The following CYFIP2 variants were observed in gnomAD, a reference collection of about 807,000 sequenced individuals.
CYFIP2 encodes cytoplasmic FMR1 interacting protein 2.
CYFIP2 carries 29 observed loss-of-function variants against 158.7 expected under a neutral mutation model. The observed-to-expected ratio is 0.18, with a 90% CI of 0.14 to 0.25. The LOEUF is 0.25. CYFIP2 is among the 10% of genes least tolerant of loss of function. The pLI, the probability that CYFIP2 is intolerant of heterozygous loss-of-function variation, is 1.00. For synonymous variants in CYFIP2, 585 were observed against 617.6 expected (o/e 0.95, Z 0.78); for missense variants, 852 against 1,639.5 (o/e 0.52, Z 8.29).
chr5:157,329,741 C>T lies in CYFIP2; in HGVS notation c.2157-1001C>T, dbSNP rs545280989. ...TTCTAAGTCCTCAAAATCCTGTTTA[C>T]AGCCCATCTCAATTTGGACCAGCCA... On this transcript the variant is annotated intron_variant, in intron 19 of 30. Transcript: ENST00000620254. Among the ~76,000 whole-genome samples the T allele has an allele frequency of 3.7e-4, 57 of 152,324 alleles. 1 individual carries two copies. In the South Asian group the frequency reaches 0.011, roughly 29 times the overall value.
chr5:157,325,543 A>C lies in CYFIP2; in HGVS notation c.1887A>C (p.Leu629Phe). ...GGTTCCGAGAATTCTTCCTGGAGTT[A>C]ACCATGGGCCGACGAATCCAGTTCC... ...QLWFREFFLE[L>F]TMGRRIQFPI... The change falls in exon 17 of 31, where the codon TTA (leucine) becomes TTC (phenylalanine). Residue 629 changes from leucine to phenylalanine, a missense_variant. By Grantham distance (22) the Leu-to-Phe change is conservative. Coordinates refer to ENST00000620254, the MANE Select transcript of CYFIP2 (RefSeq NM_001037333.3). The C allele has an allele frequency of 6.2e-7, 1 of 1,613,394 alleles. No individual in the cohort carries two copies. Among genetic ancestry groups the C allele is most frequent in the Non-Finnish European group, 8.5e-7 (1 of 1,179,634 alleles).
intron 26 of CYFIP2, chr5:157,365,052 C>T (rs1026419142): frequency 4.6e-5 from 7 of 151,910 alleles, no homozygotes; most frequent in African/African-American, 1.7e-4. Context: ...CCACAAATAA[C>T]TCTGCATTGA....
chr5:157,352,952 A>C (rs1763168486), intron 23 of CYFIP2, among the ~76,000 whole-genome samples: 1 of 152,212 alleles, frequency 6.6e-6, no homozygotes, highest in South Asian at 2.1e-4. Context: ...GTGCAGCTGC[A>C]AGCCCGGGAT....
chr5:157,309,297 T>G (rs1759505816), intron 9 of CYFIP2, among the ~76,000 whole-genome samples: 1 of 152,202 alleles, frequency 6.6e-6, no homozygotes, highest in African/African-American at 2.4e-5. Flanking sequence ...TGTTAGGTAT[T>G]ATTACGGTTT....
At chr5:157,354,234 G>T (rs1194190730) in intron 23 of CYFIP2, among the ~76,000 whole-genome samples, 1 of 152,038 alleles carries the variant, frequency 6.6e-6, no homozygotes, top group African/African-American at 2.4e-5. Context: ...TATCTATTTT[G>T]TGTAGTGTGG....
In CYFIP2 at chr5:157,339,287, G is replaced by A. The variant is rs1453272207; in HGVS notation, c.2585+31G>A. ...GGAGTCCCTGTGCAGAGGGGGCCGG[G>A]TGGGGGTTGGGGGAGTGGCCAGCTG... On this transcript the variant is annotated intron_variant, in intron 22 of 30. Transcript: ENST00000620254. 6 of 1,593,104 alleles carry A rather than the reference G, an allele frequency of 3.8e-6. No homozygotes were observed. In the South Asian group the frequency reaches 5.6e-5, roughly 15 times the overall value.
At chr5:157,348,853 G>A (rs149956777) in intron 23 of CYFIP2, among the ~76,000 whole-genome samples, 8 of 152,046 alleles carry the variant, frequency 5.3e-5, no homozygotes, top group Non-Finnish European at 1.0e-4. Context: ...AGAGCTAGTG[G>A]TGAGTCCCCA....
intron 28 of CYFIP2, among the ~76,000 whole-genome samples, chr5:157,387,006 A>G (rs1022974864): frequency 2.6e-5 from 4 of 152,126 alleles, no homozygotes; most frequent in African/African-American, 9.7e-5. Context: ...AAGATAACCA[A>G]GTATATACGA....
chr5:157,390,340 A>G (rs1767157255), intron 29 of CYFIP2, among the ~76,000 whole-genome samples, 181 bp from the exon 30 acceptor site: 1 of 151,816 alleles, frequency 6.6e-6, no homozygotes, highest in African/African-American at 2.4e-5. Flanking sequence ...CATAACTACC[A>G]TCCCTGCAAC....
chr5:157,270,627 A>G (rs1756012671), intron 1 of CYFIP2, among the ~76,000 whole-genome samples: 1 of 152,212 alleles, frequency 6.6e-6, no homozygotes, highest in South Asian at 2.1e-4. Flanking sequence ...TCAGCCCCCT[A>G]TCTCCAAGTC....
intron 1 of CYFIP2, among the ~76,000 whole-genome samples, chr5:157,268,049 C>T (rs1755760465): frequency 6.6e-6 from 1 of 152,260 alleles, no homozygotes; most frequent in African/African-American, 2.4e-5. Context: ...CTTGTGTACA[C>T]AGGGTTCCTC....
In CYFIP2 at chr5:157,285,481, A is replaced by G; in HGVS notation, c.117+3A>G. On this transcript the variant is annotated splice_donor_region_variant and intron_variant, in intron 2 of 30. Coordinates refer to ENST00000620254, the MANE Select transcript of CYFIP2 (RefSeq NM_001037333.3). ...CACCTTCCTCCATCATGTACCAGGT[A>G]ATGGAAATGGTAGATAGCACCAGGG... is the stretch of plus-strand genomic sequence containing the variant. The G allele has an allele frequency of 6.4e-7, 1 of 1,561,642 alleles. No individual in the cohort carries two copies. Among genetic ancestry groups the G allele is most frequent in the Non-Finnish European group, 8.7e-7 (1 of 1,152,358 alleles).
chr5:157,353,916 G>A (rs1160088813), intron 23 of CYFIP2, among the ~76,000 whole-genome samples: 1 of 152,140 alleles, frequency 6.6e-6, no homozygotes, highest in African/African-American at 2.4e-5. Context: ...GTTTGAAGTG[G>A]CTGGCCGTGT....
At position 157,320,039 on chromosome 5, in the gene CYFIP2, T is replaced by C. The variant is rs1041007023; in HGVS notation, c.1523+111T>C. On this transcript the variant is annotated intron_variant, in intron 14 of 30. Transcript: ENST00000620254. ...ACACACATGGGTCCTTCCAGCAAGC[T>C]CCAGAGGGCTCTTTAGGAGATTGGG... is the stretch of plus-strand genomic sequence containing the variant. 14 of 1,337,912 alleles carry C rather than the reference T, an allele frequency of 1.0e-5. No homozygotes were observed. The African/African-American group carries it at 1.9e-4, about 18-fold the overall frequency. The allele number at this position is 1,337,912 out of a possible 1,614,324, so 82.9% of individuals were successfully genotyped here.
chr5:157,316,441 ATATT>A (rs57138519), intron 13 of CYFIP2, among the ~76,000 whole-genome samples: 1,612 of 152,356 alleles, frequency 0.011, 34 homozygotes, highest in African/African-American at 0.036. Flanking sequence ...AAGGACATAA[ATATT>A]TATGATGTAT....
At chr5:157,372,105 A>C (rs1163424740) in intron 26 of CYFIP2, among the ~76,000 whole-genome samples, 1 of 152,182 alleles carries the variant, frequency 6.6e-6, no homozygotes, top group East Asian at 1.9e-4. Flanking sequence ...TATTATTCAC[A>C]CTTTGGAAAA....
intron 5 of CYFIP2, among the ~76,000 whole-genome samples, chr5:157,299,214 A>T (rs1002349398): frequency 2.0e-5 from 3 of 152,156 alleles, no homozygotes; most frequent in African/African-American, 7.2e-5. Context: ...AGGCCATGTT[A>T]TCTGGCCTCA....
chr5:157,292,524 A>AC (rs1488910761), intron 3 of CYFIP2, among the ~76,000 whole-genome samples: 11 of 152,126 alleles, frequency 7.2e-5, no homozygotes, highest in Admixed American at 5.9e-4. Context: ...TGGCCAGCAT[A>AC]ATGTTTTCAA....
chr5:157,312,688 G>C (rs767509024), intron 11 of CYFIP2, among the ~76,000 whole-genome samples: 13 of 152,170 alleles, frequency 8.5e-5, no homozygotes, highest in Non-Finnish European at 2.9e-5. Context: ...TACCTGAAAT[G>C]GGGACTGTCT....
Sources: allele counts gnomAD v4.1 joint callset (sites outside exome capture counted in the v4.1 genomes callset), GRCh38; gene constraint gnomAD v4.1.1; transcripts MANE v1.5; gene names NCBI Gene and HGNC (gene_info 2026-07-23, HGNC 2026-07-21).